SPECC1: variants seen among roughly 807,000 people sequenced by gnomAD.
SPECC1 encodes the protein sperm antigen with calponin homology and coiled-coil domains 1, also known as cytospin-B.
SPECC1 carries 62 observed loss-of-function variants against 104.1 expected under a neutral mutation model. The ratio of observed to expected loss-of-function variants is 0.60; its 90% CI spans 0.49 to 0.74. The LOEUF is 0.74. SPECC1 is among the 30% of genes least tolerant of loss of function. The probability of loss-of-function intolerance (pLI) is 0.00; values close to 1 mark genes in which losing one functional copy is unlikely to be tolerated. For synonymous variants in SPECC1, 513 were observed against 501.6 expected, an observed-to-expected ratio of 1.02 and a Z score of -0.30; for missense variants, 1,306 against 1,310.5, an observed-to-expected ratio of 1.00 and a Z score of 0.05.
chr17:20,260,654 A>G (rs1039223134), intron 12 of SPECC1, among the ~76,000 whole-genome samples: 2 of 152,234 alleles, frequency 1.3e-5, no homozygotes, highest in African/African-American at 4.8e-5. Context: ...AGTTTTCTCA[A>G]CAAGGCTTTA....
At chr17:20,209,390 T>A (rs1349357361) in intron 4 of SPECC1, among the ~76,000 whole-genome samples, 1 of 152,144 alleles carries the variant, frequency 6.6e-6, no homozygotes, top group Non-Finnish European at 1.5e-5. Flanking sequence ...ATTCCGTAAA[T>A]CTATGTAAGT....
chr17:20,231,937 A>G, intron 6 of SPECC1, 106 bp downstream of exon 6: 5 of 1,207,902 alleles, frequency 4.1e-6, no homozygotes, highest in Admixed American at 1.8e-5. Flanking sequence ...TTTCCACGGC[A>G]TGGTGGGCCC....
At chr17:20,172,080 C>T (rs1440670778) in intron 3 of SPECC1, among the ~76,000 whole-genome samples, 2 of 152,186 alleles carry the variant, frequency 1.3e-5, no homozygotes, top group African/African-American at 2.4e-5. Context: ...AGCTGAGTGG[C>T]CATAGAACTG....
intron 3 of SPECC1, among the ~76,000 whole-genome samples, chr17:20,162,650 C>T (rs2033273352): frequency 6.6e-6 from 1 of 152,228 alleles, no homozygotes; most frequent in Admixed American, 6.5e-5. Flanking sequence ...GGACTGGTTG[C>T]TTTCTAGTCC....
chr17:20,114,616 C>T (rs1458232640), intron 3 of SPECC1, among the ~76,000 whole-genome samples: 1 of 151,980 alleles, frequency 6.6e-6, no homozygotes, highest in African/African-American at 2.4e-5. Context: ...ACATCTACCC[C>T]AAGAGCAGGG....
intron 1 of SPECC1, 137 bp from the exon 2 acceptor site, chr17:20,096,494 C>T (rs2047648624): frequency 9.7e-7 from 1 of 1,029,274 alleles, no homozygotes; most frequent in Admixed American, 2.4e-5. Flanking sequence ...TAGGAATATT[C>T]TATTTCCAGC....
At chr17:20,128,315 A>G (rs1388159706) in intron 3 of SPECC1, among the ~76,000 whole-genome samples, 1 of 152,230 alleles carries the variant, frequency 6.6e-6, no homozygotes, top group African/African-American at 2.4e-5. Flanking sequence ...AAGTTACATG[A>G]TAGTTGCATT....
At chr17:20,034,291 G>A (rs964350482) in intron 1 of SPECC1, among the ~76,000 whole-genome samples, 11 of 151,930 alleles carry the variant, frequency 7.2e-5, no homozygotes, top group Admixed American at 2.0e-4. Context: ...TAGAGACGGG[G>A]TTTCACCATG....
intron 3 of SPECC1, chr17:20,112,239 C>T (rs1273365162): frequency 1.0e-5 from 8 of 763,130 alleles, no homozygotes; most frequent in South Asian, 5.4e-5. Context: ...CTTAATTGAC[C>T]GAAGTCCTGA....
At chr17:20,080,661 C>T (rs1038591244) in intron 1 of SPECC1, among the ~76,000 whole-genome samples, 1 of 151,966 alleles carries the variant, frequency 6.6e-6, no homozygotes, top group African/African-American at 2.4e-5. Flanking sequence ...AGTCTAGGAG[C>T]TTGAGGGCCT....
intron 1 of SPECC1, among the ~76,000 whole-genome samples, chr17:20,070,715 C>G (rs1242297391): frequency 6.6e-6 from 1 of 152,050 alleles, no homozygotes; most frequent in Admixed American, 6.6e-5. Context: ...TGTATTCATT[C>G]ATGATTATTT....
chr17:20,125,486 C>G (rs1332348471), intron 3 of SPECC1, among the ~76,000 whole-genome samples: 1 of 152,244 alleles, frequency 6.6e-6, no homozygotes, highest in Non-Finnish European at 1.5e-5. Context: ...TGCTGCATAG[C>G]AGGTCCCTCA....
chr17:20,245,435 A>C (rs2039380216), intron 7 of SPECC1, among the ~76,000 whole-genome samples: 1 of 152,038 alleles, frequency 6.6e-6, no homozygotes. Flanking sequence ...GTCTTGCCCA[A>C]GTCTTTCTGA....
chr17:20,234,165 G>T (rs2526473), intron 7 of SPECC1, among the ~76,000 whole-genome samples: 8 of 151,846 alleles, frequency 5.3e-5, no homozygotes, highest in African/African-American at 1.5e-4. Context: ...TTAACGTCAC[G>T]TTTTTTTTTA....
intron 1 of SPECC1, among the ~76,000 whole-genome samples, chr17:20,016,819 G>A (rs1270272173): frequency 3.9e-5 from 6 of 152,240 alleles, no homozygotes; most frequent in African/African-American, 9.6e-5. Flanking sequence ...GGCGCAGGGC[G>A]CGGGACTGGC....
At chr17:20,237,666 G>A (rs2038997079) in intron 7 of SPECC1, 1 of 195,654 alleles carries the variant, frequency 5.1e-6, no homozygotes, top group Non-Finnish European at 1.1e-5. Flanking sequence ...CCTTTTGATC[G>A]TGGTGTCTGA....
At chr17:20,295,180 C>T (rs1027575918) in intron 12 of SPECC1, among the ~76,000 whole-genome samples, 17 of 120,596 alleles carry the variant, frequency 1.4e-4, no homozygotes, top group Middle Eastern at 5.3e-3. Flanking sequence ...CTCCCCCCAC[C>T]CCATGACAGG....
At chr17:20,060,033 T>C (rs1372823730) in intron 1 of SPECC1, among the ~76,000 whole-genome samples, 1 of 152,232 alleles carries the variant, frequency 6.6e-6, no homozygotes, top group African/African-American at 2.4e-5. Flanking sequence ...TGTTATTTGA[T>C]AGAGGAATTT....
chr17:20,316,971 T>A lies in SPECC1; in HGVS notation c.*2906T>A, dbSNP rs1385286933. On this transcript the variant is annotated 3_prime_UTR_variant, in exon 15 of 15. Coordinates refer to ENST00000395527, the MANE Select transcript of SPECC1 (RefSeq NM_001243439.2). ...TCCCCCATTTTTGTCTGTATCCTGCTCTCTTTAGGTTAAAAAGAAGGAAAG... is the reference window on the plus strand; with the variant it reads ...TCCCCCATTTTTGTCTGTATCCTGCACTCTTTAGGTTAAAAAGAAGGAAAG... 9.4e-6 allele frequency: 2 copies of A among 213,680 alleles called. No individual in the cohort carries two copies. The highest frequency in any genetic ancestry group is 4.5e-5 in the African/African-American group (2 of 44,144). 13.2% of individuals were successfully genotyped at this position (213,680 alleles called of 1,614,324 possible). A position where few individuals can be genotyped will look rare whatever the true frequency, so the allele number is the denominator to read the frequency against.
Sources: allele counts gnomAD v4.1 joint callset (sites outside exome capture counted in the v4.1 genomes callset), GRCh38; gene constraint gnomAD v4.1.1; transcripts MANE v1.5; gene names NCBI Gene and HGNC (gene_info 2026-07-23, HGNC 2026-07-21).